FRAS1: variants seen among roughly 807,000 people sequenced by gnomAD.
FRAS1 encodes the protein extracellular matrix organizing protein FRAS1.
A neutral mutation model predicts 435.2 loss-of-function variants in FRAS1; 290 were observed. The ratio of observed to expected loss-of-function variants is 0.67; its 90% CI spans 0.61 to 0.73. FRAS1 has a LOEUF of 0.73. Among genes scored for constraint, FRAS1 ranks in the 30% least tolerant of loss-of-function variants. FRAS1 has a pLI of 0.00. For synonymous variants in FRAS1, 1,800 were observed against 1,851.0 expected, an observed-to-expected ratio of 0.97 and a Z score of 0.71; for missense variants, 4,860 against 5,001.5, an observed-to-expected ratio of 0.97 and a Z score of 0.85.
At chr4:78,468,287 C>T (rs575760393) in intron 50 of FRAS1, among the ~76,000 whole-genome samples, 47 of 152,272 alleles carry the variant, frequency 3.1e-4, no homozygotes, top group African/African-American at 1.1e-3. Context: ...CATTCTTCTG[C>T]ATGTGTATCC....
chr4:78,136,932 A>T (rs530710607), intron 2 of FRAS1, among the ~76,000 whole-genome samples: 1 of 152,338 alleles, frequency 6.6e-6, no homozygotes, highest in African/African-American at 2.4e-5. Context: ...CGGTTTTGGG[A>T]TACAGGGGTG....
intron 2 of FRAS1, among the ~76,000 whole-genome samples, chr4:78,148,759 AC>A (rs1720517711): frequency 6.6e-6 from 1 of 152,182 alleles, no homozygotes; most frequent in South Asian, 2.1e-4. Context: ...TTTGGTAGGT[AC>A]CACTTTTAAG....
chr4:78,471,994 T>C (rs1719723298), intron 51 of FRAS1, among the ~76,000 whole-genome samples, 186 bp from the exon 52 acceptor site: 1 of 152,160 alleles, frequency 6.6e-6, no homozygotes, highest in African/African-American at 2.4e-5. Flanking sequence ...CTATTAAGTG[T>C]GAATACCTCA....
intron 32 of FRAS1, among the ~76,000 whole-genome samples, 172 bp from the exon 33 acceptor site, chr4:78,418,777 A>G (rs1733646493): frequency 6.6e-6 from 1 of 150,944 alleles, no homozygotes; most frequent in South Asian, 2.1e-4. Flanking sequence ...GAGGCTTAGG[A>G]AAAATCTGCA....
At chr4:78,445,404 T>G in intron 41 of FRAS1, 118 bp from the exon 42 acceptor site, 2 of 1,348,170 alleles carry the variant, frequency 1.5e-6, no homozygotes, top group Non-Finnish European at 1.9e-6. Flanking sequence ...CTCTCCCAAC[T>G]TTATCCTCAA....
chr4:78,430,097 C>T lies in FRAS1; in HGVS notation c.4844-195C>T, dbSNP rs577370038. 1.8e-4 allele frequency among the ~76,000 whole-genome samples: 28 copies of T among 152,266 alleles called. No individual in the cohort carries two copies. The South Asian group carries it at 4.6e-3, about 25-fold the overall frequency. On this transcript the variant is annotated intron_variant, in intron 36 of 73. Coordinates refer to ENST00000512123, the MANE Select transcript of FRAS1 (RefSeq NM_025074.7). ...TACCTTACATGAACTTTTGGAAGCA[C>T]CTACTTGCAGTGTAGGAATTGACTG...
intron 47 of FRAS1, among the ~76,000 whole-genome samples, chr4:78,460,974 G>A (rs1047308628): frequency 6.6e-6 from 1 of 152,046 alleles, no homozygotes; most frequent in African/African-American, 2.4e-5. Context: ...TGTGTTCCAG[G>A]GATTATTCTA....
At chr4:78,382,402 G>A (rs968830676) in intron 27 of FRAS1, among the ~76,000 whole-genome samples, 2 of 150,586 alleles carry the variant, frequency 1.3e-5, no homozygotes, top group African/African-American at 4.9e-5. Flanking sequence ...AACAAGGAAG[G>A]GGTGGTACTT....
rs570908122 is a variant in FRAS1, at chr4:78,237,625, A to G, written c.216+8A>G. The G allele has an allele frequency of 1.3e-6, 2 of 1,525,228 alleles. No individual in the cohort carries two copies. Among genetic ancestry groups the G allele is most frequent in the African/African-American group, 2.7e-5 (2 of 72,862 alleles). 94.5% of individuals were successfully genotyped at this position (1,525,228 alleles called of 1,614,324 possible). A position where few individuals can be genotyped will look rare whatever the true frequency, so the allele number is the denominator to read the frequency against. On this transcript the variant is annotated splice_region_variant and intron_variant, in intron 3 of 73. Transcript: ENST00000512123. ...CAATGTGCCTTTGAGAAGGTACGGT[A>G]TCCTAATTGTGTCCTAAATGTATTG...
chr4:78,098,455 A>G (rs1417911148), intron 2 of FRAS1, among the ~76,000 whole-genome samples: 1 of 151,870 alleles, frequency 6.6e-6, no homozygotes. Context: ...TTGTATTTTT[A>G]GTAGAGACGG....
At chr4:78,508,402 C>G (rs1720908074) in intron 62 of FRAS1, among the ~76,000 whole-genome samples, 1 of 152,212 alleles carries the variant, frequency 6.6e-6, no homozygotes, top group African/African-American at 2.4e-5. Context: ...CAACTTTAAA[C>G]TAGCAACTGC....
Position 78,264,041 on chromosome 4 carries a change from GA to G in FRAS1, c.604-981del, listed in dbSNP as rs565454936. ...ATTGTGTTTTCTACTCCTCATAAGA[GA>G]AAGTGAAGACAACTGTTCCAGATTT... is the stretch of plus-strand genomic sequence containing the variant. On this transcript the variant is annotated intron_variant, in intron 6 of 73. Transcript: ENST00000512123. Among the ~76,000 whole-genome samples the G allele has an allele frequency of 3.9e-4, 59 of 152,306 alleles. 1 individual carries two copies. In the South Asian group the frequency reaches 0.012, roughly 31 times the overall value.
chr4:78,267,303 C>A lies in FRAS1; in HGVS notation c.852C>A (p.Ser284Arg). ...CCEECVSPAGSCSYDGVVRYQ... is the reference protein window; with the variant it reads ...CCEECVSPAGRCSYDGVVRYQ... ...AGGAATGTGTGTCTCCTGCCGGGAG[C>A]TGCTCCTATGATGGAGTTGTGCGGT... Residue 284 changes from serine to arginine, a missense_variant, in exon 9 of 74, where the codon AGC becomes AGA. Physicochemically the swap from Ser to Arg is moderately radical, Grantham distance 110 (BLOSUM62 -1). Coordinates refer to ENST00000512123, the MANE Select transcript of FRAS1 (RefSeq NM_025074.7). 2 of 1,613,830 alleles carry A rather than the reference C, an allele frequency of 1.2e-6. No homozygotes were observed. Among genetic ancestry groups the A allele is most frequent in the Non-Finnish European group, 1.7e-6 (2 of 1,179,848 alleles).
At chr4:78,307,504 G>C (rs914150375) in intron 14 of FRAS1, among the ~76,000 whole-genome samples, 5 of 152,212 alleles carry the variant, frequency 3.3e-5, no homozygotes, top group Non-Finnish European at 7.3e-5. Context: ...AGCAATCAGC[G>C]AGACTCCGTG....
At chr4:78,440,272 T>C (rs1382044119) in intron 40 of FRAS1, among the ~76,000 whole-genome samples, 1 of 152,056 alleles carries the variant, frequency 6.6e-6, no homozygotes, top group East Asian at 1.9e-4. Context: ...GACCTCATGA[T>C]CCACCCGCCT....
At position 78,181,845 on chromosome 4, in the gene FRAS1, T is replaced by C; in HGVS notation, c.109-55665T>C. ...TTCTGGGACTCCTTGCGCAGCTGTT[T>C]GCCTGCCGCGTTGGAGTTGGTCTGG... is the stretch of plus-strand genomic sequence containing the variant. On this transcript the variant is annotated intron_variant, in intron 2 of 73. Transcript: ENST00000512123. 6.8e-6 allele frequency: 11 copies of C among 1,612,090 alleles called. No individual in the cohort carries two copies. In the South Asian group the frequency reaches 8.8e-5, roughly 13 times the overall value.
intron 14 of FRAS1, among the ~76,000 whole-genome samples, chr4:78,307,587 C>T (rs1728824840): frequency 6.6e-6 from 1 of 152,340 alleles, no homozygotes; most frequent in Non-Finnish European, 1.5e-5. Flanking sequence ...GTCGGAAAAG[C>T]GCAGTATTCG....
chr4:78,129,166 A>T (rs537379144), intron 2 of FRAS1, among the ~76,000 whole-genome samples: 15 of 152,180 alleles, frequency 9.9e-5, no homozygotes, highest in East Asian at 5.8e-4. Context: ...AGCCTTGTAG[A>T]ATAGTTTGAA....
intron 2 of FRAS1, among the ~76,000 whole-genome samples, chr4:78,120,982 A>AAGAG (rs769776294): frequency 6.2e-4 from 94 of 152,334 alleles, no homozygotes; most frequent in Middle Eastern, 6.8e-3. Flanking sequence ...CAAATCAAGG[A>AAGAG]AGAGATCAAG....
Sources: allele counts gnomAD v4.1 joint callset (sites outside exome capture counted in the v4.1 genomes callset), GRCh38; gene constraint gnomAD v4.1.1; transcripts MANE v1.5; gene names NCBI Gene and HGNC (gene_info 2026-07-23, HGNC 2026-07-21).